DNAJC6: variants seen among roughly 807,000 people sequenced by gnomAD.
The protein encoded by DNAJC6 is DnaJ heat shock protein family (Hsp40) member C6, also known as auxilin.
Under a neutral mutation model 110.0 loss-of-function variants are expected in DNAJC6, and 34 were observed. The ratio of observed to expected loss-of-function variants is 0.31; its 90% confidence interval spans 0.24 to 0.41. The LOEUF (loss-of-function observed/expected upper bound fraction) is 0.41. DNAJC6 is among the 10% of genes least tolerant of loss of function. The pLI, the probability that DNAJC6 is intolerant of heterozygous loss-of-function variation, is 1.00. For synonymous variants in DNAJC6, 406 were observed against 437.2 expected (o/e 0.93, Z 0.89); for missense variants, 1,031 against 1,207.8 (o/e 0.85, Z 2.17).
chr1:65,283,535 T>C (rs1653918755), intron 1 of DNAJC6, among the ~76,000 whole-genome samples: 2 of 151,830 alleles, frequency 1.3e-5, no homozygotes, highest in African/African-American at 2.4e-5. Flanking sequence ...TATAGCATAA[T>C]TTGTTAAAAT....
intron 1 of DNAJC6, among the ~76,000 whole-genome samples, chr1:65,331,715 A>C (rs1645290007): frequency 6.6e-6 from 1 of 152,240 alleles, no homozygotes; most frequent in Admixed American, 6.5e-5. Flanking sequence ...ATGAGCCCCA[A>C]GTTGAAGGGA....
intron 1 of DNAJC6, among the ~76,000 whole-genome samples, chr1:65,272,584 AAGGT>A (rs1390976142): frequency 2.0e-5 from 3 of 152,182 alleles, no homozygotes. Context: ...TATTCCCTGG[AAGGT>A]TTTTGTGAGA....
intron 1 of DNAJC6, among the ~76,000 whole-genome samples, chr1:65,345,446 AC>A (rs1338704447): frequency 6.6e-6 from 1 of 152,130 alleles, no homozygotes; most frequent in African/African-American, 2.4e-5. Flanking sequence ...AGTTGAGAAA[AC>A]TGAGGCTTAG....
rs1645992491 is a variant in DNAJC6 at position 65,397,685 on chromosome 1, G to A, written c.2039-1128G>A. On this transcript the variant is annotated intron_variant, in intron 13 of 18. Transcript: ENST00000371069. ...GTAAGACTAGGATCAGAGCTTAAAGGAAATCAGATAGAACGTACTAGCAAA... is the reference window on the plus strand; with the variant it reads ...GTAAGACTAGGATCAGAGCTTAAAGAAAATCAGATAGAACGTACTAGCAAA... Among the ~76,000 whole-genome samples the A allele has an allele frequency of 2.0e-5, 3 of 152,150 alleles. 1 individual carries two copies. Among genetic ancestry groups the A allele is most frequent in the Admixed American group, 2.0e-4 (3 of 15,262 alleles).
At chr1:65,361,459 A>G (rs1645596910) in intron 1 of DNAJC6, among the ~76,000 whole-genome samples, 1 of 152,216 alleles carries the variant, frequency 6.6e-6, no homozygotes, top group Non-Finnish European at 1.5e-5. Context: ...ATATGTATGA[A>G]CATCTAAGTG....
At chr1:65,309,345 G>C (rs1441523808), upstream of DNAJC6, among the ~76,000 whole-genome samples, 1 of 148,118 alleles carries the variant, frequency 6.8e-6, no homozygotes. Context: ...GCGGGCCAGC[G>C]GCTTTGGCGC....
At chr1:65,295,489 G>A (rs1012415495) in intron 1 of DNAJC6, among the ~76,000 whole-genome samples, 1 of 152,168 alleles carries the variant, frequency 6.6e-6, no homozygotes, top group African/African-American at 2.4e-5. Context: ...CTGGGCTATG[G>A]CAGCTCTAAC....
intron 1 of DNAJC6, among the ~76,000 whole-genome samples, chr1:65,358,879 A>T (rs1645572602): frequency 6.6e-6 from 1 of 152,034 alleles, no homozygotes; most frequent in Non-Finnish European, 1.5e-5. Flanking sequence ...ACAGTATTTT[A>T]TGGGGGAGCA....
At chr1:65,407,638 A>C (rs1570386667) in intron 16 of DNAJC6, among the ~76,000 whole-genome samples, 2 of 152,306 alleles carry the variant, frequency 1.3e-5, no homozygotes, top group South Asian at 4.1e-4. Context: ...AATTCCATAG[A>C]GTCATGCCAA....
intron 2 of DNAJC6, among the ~76,000 whole-genome samples, chr1:65,365,373 A>C (rs1645636172): frequency 1.3e-5 from 2 of 152,226 alleles, no homozygotes; most frequent in Non-Finnish European, 2.9e-5. Context: ...TTGAGTTACA[A>C]TATGCAGTTC....
At chr1:65,382,940 T>C (rs1256616094) in intron 5 of DNAJC6, among the ~76,000 whole-genome samples, 1 of 152,100 alleles carries the variant, frequency 6.6e-6, no homozygotes, top group African/African-American at 2.4e-5. Flanking sequence ...AAAAGGGAAA[T>C]AGAAGCATTG....
At chr1:65,390,270 C>T (rs976130763) in intron 11 of DNAJC6, among the ~76,000 whole-genome samples, 7 of 152,124 alleles carry the variant, frequency 4.6e-5, no homozygotes, top group South Asian at 2.1e-4. Flanking sequence ...TTCTATCTTC[C>T]GCTGTCAACT....
chr1:65,313,340 C>T lies in DNAJC6; in HGVS notation c.193+3402C>T, dbSNP rs7538514. On this transcript the variant is annotated intron_variant, in intron 1 of 18. Transcript: ENST00000371069. ...CCTCCCTCCCAAAGTGCTCGGATTA[C>T]AGACATGAACCACCATGCTTGGCCT... Among the ~76,000 whole-genome samples, 604 of 152,088 alleles carry T rather than the reference C, an allele frequency of 4.0e-3. 2 individuals carry two copies. The highest frequency in any genetic ancestry group is 0.014 in the African/African-American group (590 of 41,494).
intron 1 of DNAJC6, among the ~76,000 whole-genome samples, chr1:65,277,658 G>A (rs947935762): frequency 6.6e-6 from 1 of 152,060 alleles, no homozygotes; most frequent in African/African-American, 2.4e-5. Context: ...ATGCAGGGGA[G>A]GGGGTGAGCC....
rs1646164458 is a variant in DNAJC6, at chr1:65,415,567, A to G, written c.*2542A>G. On this transcript the variant is annotated 3_prime_UTR_variant, in exon 19 of 19. Coordinates refer to ENST00000371069, the MANE Select transcript of DNAJC6 (RefSeq NM_001256864.2). ...GCATAGAAATCCTGGTCTCCTAGCC[A>G]AAAAAATCAAAGGATTTTCAAAAAA... 6.6e-6 allele frequency: 1 copy of G among 152,166 alleles called. No homozygotes were observed. Among genetic ancestry groups the G allele is most frequent in the South Asian group, 2.1e-4 (1 of 4,832 alleles). The allele number at this position is 152,166 out of a possible 1,614,324, so 9.4% of individuals were successfully genotyped here. A position where few individuals can be genotyped will look rare whatever the true frequency, so the allele number is the denominator to read the frequency against.
chr1:65,413,894 A>G lies in DNAJC6; in HGVS notation c.*869A>G, dbSNP rs1475185049. The stretch of plus-strand genomic sequence containing the variant: ...TTTGTTTAGCCAAGAAAACATTCTT[A>G]GTTGGAAACAGGTGGTAAAGTAGTT... On this transcript the variant is annotated 3_prime_UTR_variant, in exon 19 of 19. Coordinates refer to ENST00000371069, the MANE Select transcript of DNAJC6 (RefSeq NM_001256864.2). 1 of 152,250 alleles carries G rather than the reference A, an allele frequency of 6.6e-6. No individual in the cohort carries two copies. The highest frequency in any genetic ancestry group is 2.4e-5 in the African/African-American group (1 of 41,458). 9.4% of individuals were successfully genotyped at this position (152,250 alleles called of 1,614,324 possible).
At chr1:65,354,166 T>C (rs1645520499) in intron 1 of DNAJC6, among the ~76,000 whole-genome samples, 1 of 152,110 alleles carries the variant, frequency 6.6e-6, no homozygotes, top group African/African-American at 2.4e-5. Context: ...GTAATTATAA[T>C]GCAAGCTGAC....
chr1:65,376,253 C>G (rs185818026), intron 4 of DNAJC6, among the ~76,000 whole-genome samples: 338 of 151,692 alleles, frequency 2.2e-3, no homozygotes, highest in African/African-American at 7.6e-3. Flanking sequence ...TTTTTCATTC[C>G]TGGCTTTATT....
intron 2 of DNAJC6, 87 bp downstream of exon 2, chr1:65,364,872 AGT>A: frequency 6.6e-7 from 1 of 1,514,114 alleles, no homozygotes. Context: ...TGGCTCAAAG[AGT>A]GTCAATTTTG....
Sources: allele counts gnomAD v4.1 joint callset (sites outside exome capture counted in the v4.1 genomes callset), GRCh38; gene constraint gnomAD v4.1.1; transcripts MANE v1.5; gene names NCBI Gene and HGNC (gene_info 2026-07-23, HGNC 2026-07-21).